Variants in GNAO1 observed in about 807,000 individuals in gnomAD.
The protein encoded by GNAO1 is G protein subunit alpha o1.
For missense variants in GNAO1, 166 were observed against 478.7 expected, an observed-to-expected ratio of 0.35 and a Z score of 6.10; for synonymous variants, 164 against 180.7, an observed-to-expected ratio of 0.91 and a Z score of 0.74.
In GNAO1 at chr16:56,323,525, A is replaced by C. The variant is rs574872904; in HGVS notation, c.304-5106A>C. Among the ~76,000 whole-genome samples the C allele has an allele frequency of 1.1e-4, 16 of 152,208 alleles. No individual in the cohort carries two copies. In the South Asian group the frequency reaches 3.3e-3, roughly 32 times the overall value. ...GCTCCAGCCATCACATCCAAGTTCC[A>C]GGCATTAGGAAAGAGGGAATGAGAG... On this transcript the variant is annotated intron_variant, in intron 3 of 8. Coordinates refer to ENST00000262493, the MANE Select transcript of GNAO1 (RefSeq NM_020988.3).
At chr16:56,334,993 A>T in intron 5 of GNAO1, 136 bp downstream of exon 5, 1 of 816,520 alleles carries the variant, frequency 1.2e-6, no homozygotes, top group South Asian at 1.7e-5. Flanking sequence ...GCAGCTAGAT[A>T]CTAGAAGGAA....
chr16:56,294,251 G>A (rs1354629072), intron 3 of GNAO1, among the ~76,000 whole-genome samples: 1 of 151,940 alleles, frequency 6.6e-6, no homozygotes, highest in African/African-American at 2.4e-5. Context: ...TAGGCGGGAT[G>A]GGGGACCAGC....
chr16:56,236,163 A>G (rs11643881), intron 2 of GNAO1, among the ~76,000 whole-genome samples: 21,459 of 152,182 alleles, frequency 0.14, 2,015 homozygotes, highest in African/African-American at 0.26. Context: ...ACCTTTGCTG[A>G]CAAGTCCACA....
At chr16:56,349,455 A>C (rs1455780697) in intron 6 of GNAO1, among the ~76,000 whole-genome samples, 1 of 152,178 alleles carries the variant, frequency 6.6e-6, no homozygotes, top group Non-Finnish European at 1.5e-5. Flanking sequence ...GGCCCTGGAC[A>C]CAGGTTCACT....
intron 3 of GNAO1, among the ~76,000 whole-genome samples, chr16:56,308,754 G>T (rs529950694): frequency 6.6e-6 from 1 of 152,162 alleles, no homozygotes; most frequent in Middle Eastern, 3.2e-3. Context: ...GGGGCTGGGC[G>T]CCCAGAGAAG....
chr16:56,243,651 G>A (rs1400858863), intron 2 of GNAO1, among the ~76,000 whole-genome samples: 1 of 151,984 alleles, frequency 6.6e-6, no homozygotes, highest in East Asian at 1.9e-4. Context: ...GAGCCCAGGA[G>A]GGTAGGGGGT....
rs2550314 is a variant in GNAO1, at chr16:56,305,696, G to A, written c.304-22935G>A. Among the ~76,000 whole-genome samples, 1,520 of 152,286 alleles carry A rather than the reference G, an allele frequency of 1.0e-2. 25 individuals are homozygous for A. Among genetic ancestry groups the A allele is most frequent in the African/African-American group, 0.034 (1,422 of 41,552 alleles). On this transcript the variant is annotated intron_variant, in intron 3 of 8. Transcript: ENST00000262493. ...CAGGGAGAGCTCCACCTCAGGGGCTGTATTTGTTTCCCAGGGCCGTCATAA... is the reference window on the plus strand; with the variant it reads ...CAGGGAGAGCTCCACCTCAGGGGCTATATTTGTTTCCCAGGGCCGTCATAA...
chr16:56,349,281 G>A (rs2037900549), intron 6 of GNAO1, among the ~76,000 whole-genome samples: 2 of 152,202 alleles, frequency 1.3e-5, no homozygotes, highest in East Asian at 1.9e-4. Flanking sequence ...GTGGAGGAGG[G>A]AGCTTGGCTC....
chr16:56,269,426 C>A (rs141086151), intron 2 of GNAO1, among the ~76,000 whole-genome samples: 2 of 152,168 alleles, frequency 1.3e-5, no homozygotes, highest in South Asian at 4.2e-4. Context: ...CGTTCTCCCC[C>A]GTCCCTCGTA....
chr16:56,338,446 A>G (rs1039967167), intron 6 of GNAO1, among the ~76,000 whole-genome samples: 4 of 152,182 alleles, frequency 2.6e-5, no homozygotes, highest in Non-Finnish European at 5.9e-5. Flanking sequence ...TGTGCCCCTC[A>G]CAGTGACTAC....
Position 56,336,767 on chromosome 16 carries a change from G to A in GNAO1, c.630G>A (p.Lys210=), listed in dbSNP as rs778453425. The change falls in exon 6 of 9, where the codon AAG becomes AAA. Residue 210 remains lysine (K), a synonymous_variant. Transcript: ENST00000262493. The stretch of plus-strand genomic sequence containing the variant: ...TCGGAGGCCAGCGATCTGAACGCAA[G>A]AAGTGGATCCATTGCTTCGAGGACG... ...FDVGGQRSER[K]KWIHCFEDVT... is the part of the protein sequence containing the mutation. 2.5e-6 allele frequency: 4 copies of A among 1,613,638 alleles called. No homozygotes were observed. The South Asian group carries it at 3.3e-5, about 13-fold the overall frequency.
At chr16:56,252,943 A>G (rs1405822468) in intron 2 of GNAO1, among the ~76,000 whole-genome samples, 12 of 152,344 alleles carry the variant, frequency 7.9e-5, no homozygotes, top group Non-Finnish European at 1.2e-4. Context: ...GGTGCCGTCC[A>G]TGCTGGAGCC....
At chr16:56,262,126 A>G (rs2036909101) in intron 2 of GNAO1, among the ~76,000 whole-genome samples, 1 of 152,218 alleles carries the variant, frequency 6.6e-6, no homozygotes, top group African/African-American at 2.4e-5. Flanking sequence ...AGGAAAGTTG[A>G]GCTCCTATCT....
intron 4 of GNAO1, among the ~76,000 whole-genome samples, chr16:56,333,912 C>T (rs2037715830): frequency 6.6e-6 from 1 of 152,246 alleles, no homozygotes; most frequent in Non-Finnish European, 1.5e-5. Flanking sequence ...GGCCCAGCTC[C>T]CCACTTCCTG....
At chr16:56,226,434 G>A (rs1254821756) in intron 2 of GNAO1, 5 of 152,118 alleles carry the variant, frequency 3.3e-5, no homozygotes, top group Admixed American at 6.5e-5. Context: ...GTGATGCAAC[G>A]TTAGCTCTTG....
chr16:56,306,463 T>A (rs769865568), intron 3 of GNAO1, among the ~76,000 whole-genome samples: 6 of 151,818 alleles, frequency 4.0e-5, no homozygotes, highest in Non-Finnish European at 8.8e-5. Flanking sequence ...CCAGAAAGGG[T>A]AGTGCTGAAT....
chr16:56,348,204 G>A, intron 6 of GNAO1: 1 of 984,780 alleles, frequency 1.0e-6, no homozygotes, highest in Non-Finnish European at 1.2e-6. Context: ...TTCCTAGCGT[G>A]AGTGTGATGT....
At chr16:56,230,537 G>A (rs1017053408) in intron 2 of GNAO1, among the ~76,000 whole-genome samples, 1 of 152,146 alleles carries the variant, frequency 6.6e-6, no homozygotes, top group Non-Finnish European at 1.5e-5. Context: ...TATCCCTGAA[G>A]CTATTGGAAT....
At chr16:56,310,177 A>G (rs1278489234) in intron 3 of GNAO1, among the ~76,000 whole-genome samples, 2 of 152,000 alleles carry the variant, frequency 1.3e-5, no homozygotes, top group Non-Finnish European at 2.9e-5. Context: ...AAAAAGAAAA[A>G]ATCAGCAGGA....
Sources: gnomAD v4.1 joint callset for allele counts (sites outside exome capture counted in the v4.1 genomes callset) on GRCh38, gnomAD v4.1.1 for gene constraint, MANE v1.5 for transcripts, NCBI Gene and HGNC (gene_info 2026-07-23, HGNC 2026-07-21) for gene names.